Variants in MYO15B observed in about 807,000 individuals in gnomAD.
MYO15B encodes the protein myosin XVB pseudogene.
Under a neutral mutation model 119.3 loss-of-function variants are expected in MYO15B, and 207 were observed. That is an observed-to-expected ratio of 1.73 (90% CI 1.55 to 1.95). MYO15B has a LOEUF of 1.95. Among genes scored for constraint, MYO15B ranks in the 30% most tolerant of loss-of-function variants. The pLI is 0.00. For synonymous variants in MYO15B, 966 were observed against 498.9 expected, an observed-to-expected ratio of 1.94 and a Z score of -12.48; for missense variants, 2,264 against 1,203.1, an observed-to-expected ratio of 1.88 and a Z score of -13.04.
intron 5 of MYO15B, 78 bp downstream of exon 5, chr17:75,591,790 A>G (rs1279333438): frequency 2.9e-6 from 2 of 699,514 alleles, no homozygotes; most frequent in Non-Finnish European, 5.2e-6. Flanking sequence ...ACCATGTCCA[A>G]GGGACTATCT....
chr17:75,619,323 G>A (rs1426333618), intron 44 of MYO15B, 35 bp from the exon 45 acceptor site: 1 of 702,488 alleles, frequency 1.4e-6, no homozygotes, highest in Non-Finnish European at 2.6e-6. Flanking sequence ...CCCTCTGTGT[G>A]AGCAGAGGGC....
rs1446972127 is a variant in MYO15B at position 75,610,262 on chromosome 17, G to A, written c.4386+3G>A. 18 of 698,592 alleles carry A rather than the reference G, an allele frequency of 2.6e-5. No individual in the cohort carries two copies. The highest frequency in any genetic ancestry group is 2.1e-4 in the South Asian group (14 of 67,160). 43.3% of individuals were successfully genotyped at this position (698,592 alleles called of 1,614,324 possible). Reference sequence around the variant, plus strand: ...TCCAGAGGCGGCAGAGACTGCAGGTGCAGGGGCTTGGGTGGGGCGGTTCAG... The same window carrying A: ...TCCAGAGGCGGCAGAGACTGCAGGTACAGGGGCTTGGGTGGGGCGGTTCAG... On this transcript the variant is annotated splice_donor_region_variant and intron_variant, in intron 22 of 63. Coordinates refer to ENST00000645453, the Ensembl canonical transcript of MYO15B.
At chr17:75,588,598 C>A (rs1220439394) in exon 1 of MYO15B, 5 of 399,400 alleles carry the variant, frequency 1.3e-5, no homozygotes, top group Non-Finnish European at 2.2e-5. Context: ...CCGGGAGCTG[C>A]GGCCCACGCC....
chr17:75,619,741 A>C (rs1429714109), exon 46 of MYO15B: 6 of 702,748 alleles, frequency 8.5e-6, no homozygotes, highest in Non-Finnish European at 1.6e-5. Flanking sequence ...GCGACTGCTC[A>C]AGGTGACCCA....
chr17:75,624,229 G>T lies in MYO15B; in HGVS notation c.8327G>T (p.Arg2776Leu), dbSNP rs1029868915. The change falls in exon 56 of 64, where the codon CGC (arginine) becomes CTC (leucine). Residue 2776 changes from arginine (R) to leucine (L), a missense_variant. Transcript: ENST00000645453. ...CAGCGCACAGTCAAATATGGGGGGC[G>T]CCGGCGGATGCCCCCACCGGGTGAA... 7.1e-6 allele frequency: 5 copies of T among 702,980 alleles called. 1 individual carries two copies. In the South Asian group the frequency reaches 7.4e-5, roughly 10 times the overall value. 43.5% of individuals were successfully genotyped at this position (702,980 alleles called of 1,614,324 possible). A position where few individuals can be genotyped will look rare whatever the true frequency, so the allele number is the denominator to read the frequency against.
At chr17:75,608,979 G>A (rs905746563) in intron 21 of MYO15B, among the ~76,000 whole-genome samples, 2 of 151,716 alleles carry the variant, frequency 1.3e-5, no homozygotes, top group African/African-American at 4.8e-5. Context: ...TGATCTGCCC[G>A]CCTCGGTCTC....
intron 5 of MYO15B, 104 bp from the exon 6 acceptor site, chr17:75,591,873 C>T (rs2056480835): frequency 1.5e-6 from 1 of 667,674 alleles, no homozygotes; most frequent in African/African-American, 1.8e-5. Flanking sequence ...AGGCACTGCC[C>T]TTTCTGATGG....
chr17:75,589,550 C>T lies in MYO15B; in HGVS notation c.1493C>T (p.Ala498Val), dbSNP rs1201093077. 5 of 398,632 alleles carry T rather than the reference C, an allele frequency of 1.3e-5. No individual in the cohort carries two copies. Among genetic ancestry groups the T allele is most frequent in the Non-Finnish European group, 1.8e-5 (4 of 226,130 alleles). 24.7% of individuals were successfully genotyped at this position (398,632 alleles called of 1,614,324 possible). A position where few individuals can be genotyped will look rare whatever the true frequency, so the allele number is the denominator to read the frequency against. The change falls in exon 1 of 64, where the codon GCG (alanine) becomes GTG (valine). Residue 498 changes from alanine to valine, a missense_variant. Coordinates refer to ENST00000645453, the Ensembl canonical transcript of MYO15B. This position sits in a 1 kb window ranked among gnomAD's most constrained non-coding sequence, Gnocchi z 4.2. ...GAGCCCGGGCTGCGGCACCGTCTAG[C>T]GTTGCGCCTGGCTGGCTTAGCAGGG...
intron 14 of MYO15B, among the ~76,000 whole-genome samples, chr17:75,597,107 G>A (rs530084209): frequency 5.9e-5 from 9 of 152,330 alleles, no homozygotes; most frequent in African/African-American, 1.9e-4. Context: ...ATCTTGTCTC[G>A]GGGTGATCTT....
At chr17:75,603,103 G>T (rs201850393) in intron 18 of MYO15B, 26 bp downstream of exon 18, 13 of 703,060 alleles carry the variant, frequency 1.8e-5, no homozygotes, top group Admixed American at 4.0e-5. Context: ...ACTGGCCTCA[G>T]GGCCCTCCCC....
chr17:75,617,445 G>A (rs1033882431), intron 41 of MYO15B, 141 bp downstream of exon 41: 4 of 562,030 alleles, frequency 7.1e-6, no homozygotes, highest in Admixed American at 3.5e-5. Context: ...GGAGCCATAC[G>A]TAGCTGGGGA....
At position 75,612,659 on chromosome 17, in the gene MYO15B, G is replaced by C. The variant is rs2058097510; in HGVS notation, c.4636-139G>C. ...CAGCCTGGGCGACAGACAAGACTCT[G>C]CCTCAAAAAAAAAAAAAAGGCATTA... is the stretch of plus-strand genomic sequence containing the variant. On this transcript the variant is annotated intron_variant, in intron 25 of 63. Transcript: ENST00000645453. The C allele has an allele frequency of 7.7e-6, 4 of 516,738 alleles. No individual in the cohort carries two copies. The East Asian group carries it at 1.2e-4, about 16-fold the overall frequency. 32.0% of individuals were successfully genotyped at this position (516,738 alleles called of 1,614,324 possible).
rs572449892 is a variant in MYO15B at position 75,608,764 on chromosome 17, C to T, written c.4293-1402C>T. On this transcript the variant is annotated intron_variant, in intron 21 of 63. Coordinates refer to ENST00000645453, the Ensembl canonical transcript of MYO15B. ...TTGTTTTTCTTTTGAGATGGAGTCTCGCTCTGTTGCCCAGGCTGGAGTGCA... is the reference window on the plus strand; with the variant it reads ...TTGTTTTTCTTTTGAGATGGAGTCTTGCTCTGTTGCCCAGGCTGGAGTGCA... Among the ~76,000 whole-genome samples the T allele has an allele frequency of 6.6e-5, 10 of 152,100 alleles. No individual in the cohort carries two copies. In the East Asian group the frequency reaches 1.6e-3, roughly 24 times the overall value.
At position 75,589,208 on chromosome 17, in the gene MYO15B, TGCGGCTGCGGCGGCGGCC is replaced by T. The variant is rs1324839500; in HGVS notation, c.1154_1171del (p.Arg385_Pro390del). On this transcript the variant is annotated inframe_deletion, in exon 1 of 64. Transcript: ENST00000645453. The surrounding 1 kb of genome is among the most constrained non-coding windows in gnomAD (Gnocchi z 4.2). ...CTCCTGCGCTGGCTGCGGCGGCGGCTGCGGCTGCGGCGGCGGCCGCCAGAGGGCGAGGGGCAGGGTACC... is the reference window on the plus strand; with the variant it reads ...CTCCTGCGCTGGCTGCGGCGGCGGCTGCCAGAGGGCGAGGGGCAGGGTACC... 1.2e-4 allele frequency: 41 copies of T among 330,716 alleles called. 1 individual carries two copies. Among genetic ancestry groups the T allele is most frequent in the Non-Finnish European group, 9.5e-5 (18 of 190,404 alleles). 20.5% of individuals were successfully genotyped at this position (330,716 alleles called of 1,614,324 possible).
exon 43 of MYO15B, chr17:75,618,171 C>G (rs753684882): frequency 2.8e-6 from 2 of 703,262 alleles, no homozygotes; most frequent in East Asian, 5.4e-5. Context: ...CTACCTGAGG[C>G]TCCTCTGTGA....
At position 75,592,122 on chromosome 17, in the gene MYO15B, C is replaced by T. The variant is rs115006197; in HGVS notation, c.2651+42C>T. 2.1e-3 allele frequency: 1,492 copies of T among 702,148 alleles called. 16 individuals carry two copies. The African/African-American group carries it at 0.023, about 11-fold the overall frequency. The allele number at this position is 702,148 out of a possible 1,614,324, so 43.5% of individuals were successfully genotyped here. ...CAGGGGGCACCTACAATCACTTACC[C>T]TTCCTGGGTCCTTGGGCTGCTTCCC... On this transcript the variant is annotated intron_variant, in intron 6 of 63. Transcript: ENST00000645453.
intron 43 of MYO15B, 58 bp from the exon 44 acceptor site, chr17:75,619,085 G>A: frequency 1.4e-6 from 1 of 701,768 alleles, no homozygotes; most frequent in Non-Finnish European, 2.6e-6. Context: ...GTGGATGGCT[G>A]CTCTGGGGGT....
At chr17:75,618,703 A>G (rs1275554379) in intron 43 of MYO15B, among the ~76,000 whole-genome samples, 1 of 152,224 alleles carries the variant, frequency 6.6e-6, no homozygotes, top group East Asian at 1.9e-4. Flanking sequence ...ATAAAGTTTA[A>G]AAGCAAAGTG....
At chr17:75,613,401 C>G (rs1329129833) in exon 28 of MYO15B, 1 of 674,090 alleles carries the variant, frequency 1.5e-6, no homozygotes, top group Non-Finnish European at 2.7e-6. Context: ...GGGCCCACCC[C>G]CCGACCCAGC....
Sources: gnomAD v4.1 joint callset for allele counts (sites outside exome capture counted in the v4.1 genomes callset) on GRCh38, gnomAD v4.1.1 for gene constraint, Gnocchi (gnomAD v3.1) non-coding constraint, MANE v1.5 for transcripts, NCBI Gene and HGNC (gene_info 2026-07-23, HGNC 2026-07-21) for gene names.